FAM171B: variants seen among roughly 807,000 people sequenced by gnomAD.
The protein encoded by FAM171B is family with sequence similarity 171 member B.
In FAM171B, 19 loss-of-function variants were observed where a neutral mutation model predicts 75.6. The observed-to-expected ratio is 0.25, with a 90% CI of 0.18 to 0.37. The LOEUF (loss-of-function observed/expected upper bound fraction) is 0.37. Among genes scored for constraint, FAM171B ranks in the 10% least tolerant of loss-of-function variants. The pLI, the probability that FAM171B is intolerant of heterozygous loss-of-function variation, is 1.00. For synonymous variants in FAM171B, 367 were observed against 361.7 expected, an observed-to-expected ratio of 1.01 and a Z score of -0.17; for missense variants, 848 against 982.4, an observed-to-expected ratio of 0.86 and a Z score of 1.83.
intron 1 of FAM171B, among the ~76,000 whole-genome samples, chr2:186,734,280 A>G (rs1004789782): frequency 1.1e-4 from 16 of 151,542 alleles, no homozygotes; most frequent in Non-Finnish European, 8.8e-5. Context: ...GGTTGTCTCA[A>G]TGTCTGTAGC....
intron 1 of FAM171B, among the ~76,000 whole-genome samples, chr2:186,725,343 CAA>C (rs35999085): frequency 8.7e-5 from 11 of 126,926 alleles, no homozygotes; most frequent in Admixed American, 8.0e-5. Context: ...GACTCTGTCT[CAA>C]AAAAAAAAAA....
chr2:186,737,481 A>C (rs1020997213), intron 1 of FAM171B, among the ~76,000 whole-genome samples: 2 of 152,014 alleles, frequency 1.3e-5, no homozygotes, highest in African/African-American at 4.8e-5. Context: ...TCACCCTCCC[A>C]AGCAGCTGGC....
intron 1 of FAM171B, among the ~76,000 whole-genome samples, chr2:186,725,672 A>T (rs1690022400): frequency 6.6e-6 from 1 of 152,214 alleles, no homozygotes; most frequent in Admixed American, 6.5e-5. Context: ...GGCAGTGGTG[A>T]CCAGTGTTTT....
chr2:186,746,845 G>C (rs561517742), intron 3 of FAM171B, among the ~76,000 whole-genome samples: 1 of 152,330 alleles, frequency 6.6e-6, no homozygotes, highest in East Asian at 1.9e-4. Flanking sequence ...TCAGTTTGGG[G>C]TTCCCCAGAG....
At chr2:186,760,020 C>G (rs1690591801) in intron 6 of FAM171B, among the ~76,000 whole-genome samples, 1 of 152,034 alleles carries the variant, frequency 6.6e-6, no homozygotes, top group Admixed American at 6.6e-5. Context: ...CCAGTTTTCC[C>G]AGCACTATGT....
chr2:186,734,093 G>A (rs1276920936), intron 1 of FAM171B, among the ~76,000 whole-genome samples: 1 of 152,224 alleles, frequency 6.6e-6, no homozygotes, highest in Non-Finnish European at 1.5e-5. Context: ...TGAGCAAGGT[G>A]AAGAGTGCAT....
At position 186,720,068 on chromosome 2, in the gene FAM171B, C is replaced by T. The variant is rs554520381; in HGVS notation, c.239-20160C>T. Among the ~76,000 whole-genome samples, 279 of 152,304 alleles carry T rather than the reference C, an allele frequency of 1.8e-3. 3 individuals carry two copies. The highest frequency in any genetic ancestry group is 0.017 in the Middle Eastern group (5 of 294). On this transcript the variant is annotated intron_variant, in intron 1 of 7. Coordinates refer to ENST00000304698, the MANE Select transcript of FAM171B (RefSeq NM_177454.4). The stretch of plus-strand genomic sequence containing the variant: ...TCTTTTTTCTGTTGAGACGGAGTCT[C>T]GCTCTGTCGCCCAGGCTGGAATGCA...
chr2:186,711,909 G>C lies in FAM171B; in HGVS notation c.238+17498G>C, dbSNP rs541980683. ...TCTAATTGTATCACTTATAATCTCT[G>C]TTTGGTGAGTCAATATTTGATAATA... On this transcript the variant is annotated intron_variant, in intron 1 of 7. Coordinates refer to ENST00000304698, the MANE Select transcript of FAM171B (RefSeq NM_177454.4). 3.3e-5 allele frequency among the ~76,000 whole-genome samples: 5 copies of C among 152,198 alleles called. No individual in the cohort carries two copies. In the South Asian group the frequency reaches 1.0e-3, roughly 32 times the overall value.
chr2:186,712,762 C>G (rs1395215140), intron 1 of FAM171B, among the ~76,000 whole-genome samples: 2 of 152,158 alleles, frequency 1.3e-5, no homozygotes, highest in African/African-American at 4.8e-5. Context: ...TATGCCTTCT[C>G]ACTCCTGCTC....
In FAM171B at chr2:186,694,204, A is replaced by C; in HGVS notation, c.31A>C (p.Thr11Pro). ...GAGGCTCTGCCGGCGTGTCCCCTGC[A>C]CCCTGCTTCTCGGCCTGGCCGTGGT... is the stretch of plus-strand genomic sequence containing the variant. MARLCRRVPC[T>P]LLLGLAVVLL... Residue 11 changes from threonine to proline, a missense_variant, in exon 1 of 8, where the codon ACC becomes CCC. By Grantham distance (38) the Thr-to-Pro change is conservative. Coordinates refer to ENST00000304698, the MANE Select transcript of FAM171B (RefSeq NM_177454.4). The C allele has an allele frequency of 1.9e-6, 3 of 1,606,762 alleles. No individual in the cohort carries two copies. Among genetic ancestry groups the C allele is most frequent in the Non-Finnish European group, 2.5e-6 (3 of 1,179,616 alleles).
In FAM171B at chr2:186,761,520, C is replaced by G; in HGVS notation, c.1178C>G (p.Thr393Ser). 1 of 1,589,522 alleles carries G rather than the reference C, an allele frequency of 6.3e-7. No homozygotes were observed. Among genetic ancestry groups the G allele is most frequent in the Non-Finnish European group, 8.5e-7 (1 of 1,173,076 alleles). The stretch of plus-strand genomic sequence containing the variant: ...CCACAGAAAAGAGAAAGAAATATCA[C>G]TAAACTTGAGGTCCTCAAGAGAGAC... ...GTPQKRERNI[T>S]KLEVLKRDQT... The change falls in exon 8 of 8, where the codon ACT becomes AGT. Residue 393 changes from threonine (T) to serine (S), a missense_variant. Around this residue, in one of 3 missense-constraint regions of FAM171B, gnomAD observed 665 missense variants for 729.0 expected, o/e 0.91. Coordinates refer to ENST00000304698, the MANE Select transcript of FAM171B (RefSeq NM_177454.4).
intron 1 of FAM171B, among the ~76,000 whole-genome samples, chr2:186,729,627 T>C (rs578112235): frequency 6.6e-6 from 1 of 152,318 alleles, no homozygotes; most frequent in South Asian, 2.1e-4. Flanking sequence ...TCATACCTCA[T>C]TAATTACTTT....
At chr2:186,714,571 A>G (rs1039087621) in intron 1 of FAM171B, among the ~76,000 whole-genome samples, 3 of 152,260 alleles carry the variant, frequency 2.0e-5, no homozygotes, top group African/African-American at 4.8e-5. Context: ...TCCAAATTAA[A>G]GTAATACATC....
At chr2:186,720,700 C>CAAAAAAAAAAAAAA (rs71411184) in intron 1 of FAM171B, among the ~76,000 whole-genome samples, 1 of 110,246 alleles carries the variant, frequency 9.1e-6, no homozygotes, top group Non-Finnish European at 1.8e-5. Flanking sequence ...AGATCATGTA[C>CAAAAAAAAAAAAAA]AAAAAAAAAA....
intron 1 of FAM171B, among the ~76,000 whole-genome samples, chr2:186,697,102 T>C (rs1460832039): frequency 1.3e-5 from 2 of 152,180 alleles, no homozygotes; most frequent in Non-Finnish European, 2.9e-5. Context: ...AAATTCTCCA[T>C]TGGAGTTTAG....
At chr2:186,703,101 A>ACACG (rs1689686885) in intron 1 of FAM171B, among the ~76,000 whole-genome samples, 3 of 151,168 alleles carry the variant, frequency 2.0e-5, no homozygotes, top group African/African-American at 7.3e-5. Flanking sequence ...ACACACACAC[A>ACACG]AAAGATCTCA....
chr2:186,757,843 T>C (rs1690555538), intron 6 of FAM171B, among the ~76,000 whole-genome samples: 1 of 152,178 alleles, frequency 6.6e-6, no homozygotes, highest in Admixed American at 6.6e-5. Flanking sequence ...GTGAGTTTTG[T>C]TGGATTCCTG....
rs371778998 is a variant in FAM171B at position 186,736,750 on chromosome 2, G to A, written c.239-3478G>A. 2.0e-4 allele frequency among the ~76,000 whole-genome samples: 27 copies of A among 136,558 alleles called. No individual in the cohort carries two copies. In the East Asian group the frequency reaches 2.5e-3, roughly 13 times the overall value. The allele number at this position is 136,558 out of a possible 152,430, so 89.6% of individuals were successfully genotyped here. A position where few individuals can be genotyped will look rare whatever the true frequency, so the allele number is the denominator to read the frequency against. ...TTTGTATTTGAAATGTCTTTGTTAT[G>A]ATCCAGAAGCAATTTAAGGTCCAGT... is the stretch of plus-strand genomic sequence containing the variant. On this transcript the variant is annotated intron_variant, in intron 1 of 7. Coordinates refer to ENST00000304698, the MANE Select transcript of FAM171B (RefSeq NM_177454.4).
At chr2:186,726,518 C>T (rs1690035282) in intron 1 of FAM171B, among the ~76,000 whole-genome samples, 1 of 152,100 alleles carries the variant, frequency 6.6e-6, no homozygotes, top group African/African-American at 2.4e-5. Flanking sequence ...TTTATAACCT[C>T]CTTCGTTGTC....
Sources: allele counts gnomAD v4.1 joint callset (sites outside exome capture counted in the v4.1 genomes callset), GRCh38; gene constraint gnomAD v4.1.1; regional missense constraint gnomAD v4.1.1; transcripts MANE v1.5; gene names NCBI Gene and HGNC (gene_info 2026-07-23, HGNC 2026-07-21).